HRH1: variants seen among roughly 807,000 people sequenced by gnomAD.
The protein encoded by HRH1 is histamine H1 receptor.
Under a neutral mutation model 10.3 loss-of-function variants are expected in HRH1, and 6 were observed. The ratio of observed to expected loss-of-function variants is 0.58; its 90% CI spans 0.32 to 1.15. The LOEUF (loss-of-function observed/expected upper bound fraction) is 1.15. Among genes scored for constraint, HRH1 ranks in the 50% most tolerant of loss-of-function variants. HRH1 has a pLI of 0.05. For missense variants in HRH1, 514 were observed against 615.3 expected, an observed-to-expected ratio of 0.84 and a Z score of 1.74; for synonymous variants, 242 against 236.7, an observed-to-expected ratio of 1.02 and a Z score of -0.21.
chr3:11,239,744 T>A (rs1939285889), intron 1 of HRH1, among the ~76,000 whole-genome samples: 1 of 152,170 alleles, frequency 6.6e-6, no homozygotes, highest in Admixed American at 6.5e-5. Flanking sequence ...GTCTGCTGCC[T>A]TCTTCTATCC....
chr3:11,161,665 G>A (rs1203786498), intron 1 of HRH1, among the ~76,000 whole-genome samples: 1 of 152,178 alleles, frequency 6.6e-6, no homozygotes, highest in Non-Finnish European at 1.5e-5. Context: ...ACCTTTGAAT[G>A]GAACGGCTTT....
At chr3:11,195,091 G>A (rs1370223736) in intron 1 of HRH1, among the ~76,000 whole-genome samples, 1 of 152,102 alleles carries the variant, frequency 6.6e-6, no homozygotes, top group Non-Finnish European at 1.5e-5. Flanking sequence ...ACTGAAATGG[G>A]TTTCCCCATC....
chr3:11,165,748 TA>T (rs1937017564), intron 1 of HRH1, among the ~76,000 whole-genome samples: 1 of 152,226 alleles, frequency 6.6e-6, no homozygotes, highest in African/African-American at 2.4e-5. Context: ...GAATGCATTT[TA>T]CTTCCTTTCA....
intron 1 of HRH1, among the ~76,000 whole-genome samples, chr3:11,180,104 A>C (rs927144339): frequency 1.3e-5 from 2 of 152,152 alleles, no homozygotes; most frequent in East Asian, 3.9e-4. Context: ...TGTAATTCAC[A>C]TACCATATTA....
intron 1 of HRH1, among the ~76,000 whole-genome samples, chr3:11,233,575 A>G (rs1939098317): frequency 6.6e-6 from 1 of 152,178 alleles, no homozygotes; most frequent in South Asian, 2.1e-4. Flanking sequence ...CATGGGCCCC[A>G]AACCAGGGCT....
At chr3:11,238,036 C>CTTTTTTTG (rs1553580374) in intron 1 of HRH1, among the ~76,000 whole-genome samples, 1 of 150,586 alleles carries the variant, frequency 6.6e-6, no homozygotes, top group Non-Finnish European at 1.5e-5. Context: ...TTAATGCTGC[C>CTTTTTTTG]TTTGTTTGTT....
intron 1 of HRH1, among the ~76,000 whole-genome samples, chr3:11,148,455 G>C (rs536264133): frequency 2.6e-5 from 4 of 152,258 alleles, no homozygotes; most frequent in Admixed American, 2.6e-4. Context: ...AAAAAGTATG[G>C]AAATAGACAA....
intron 1 of HRH1, among the ~76,000 whole-genome samples, chr3:11,206,490 C>CTGGCCCTCCACTTCAG (rs1938133051): frequency 6.6e-6 from 1 of 152,276 alleles, no homozygotes; most frequent in East Asian, 1.9e-4. Context: ...CTCCACTTCA[C>CTGGCCCTCCACTTCAG]TGGCCCTCCA....
upstream of HRH1, among the ~76,000 whole-genome samples, chr3:11,151,635 C>CT (rs1472241907): frequency 6.6e-6 from 1 of 152,092 alleles, no homozygotes; most frequent in African/African-American, 2.4e-5. Context: ...GTAGCTGGGA[C>CT]TACAGGCGCA....
chr3:11,155,830 A>C (rs1310261702), intron 1 of HRH1, among the ~76,000 whole-genome samples: 1 of 152,176 alleles, frequency 6.6e-6, no homozygotes, highest in Non-Finnish European at 1.5e-5. Flanking sequence ...ACTGGGAGAG[A>C]GGGAGGGTGT....
At chr3:11,181,508 G>A (rs1021446787) in intron 1 of HRH1, among the ~76,000 whole-genome samples, 1 of 149,034 alleles carries the variant, frequency 6.7e-6, no homozygotes, top group African/African-American at 2.6e-5. Flanking sequence ...TGTGTAGGAA[G>A]TACTATCTCA....
intron 1 of HRH1, among the ~76,000 whole-genome samples, chr3:11,229,934 A>G (rs1393941930): frequency 6.6e-6 from 1 of 152,214 alleles, no homozygotes; most frequent in Non-Finnish European, 1.5e-5. Context: ...AAGGAGAAAA[A>G]TGTGGATTTA....
At chr3:11,188,555 A>G (rs1937489614) in intron 1 of HRH1, among the ~76,000 whole-genome samples, 1 of 152,228 alleles carries the variant, frequency 6.6e-6, no homozygotes, top group African/African-American at 2.4e-5. Flanking sequence ...ACCCTGTCTC[A>G]GAAAAGAAAA....
chr3:11,239,723 T>G (rs1193111548), intron 1 of HRH1, among the ~76,000 whole-genome samples: 6 of 148,372 alleles, frequency 4.0e-5, no homozygotes, highest in Non-Finnish European at 9.0e-5. Flanking sequence ...GCATATGAAT[T>G]ATTGCATTTT....
chr3:11,238,941 C>T (rs1334162216), intron 1 of HRH1, among the ~76,000 whole-genome samples: 2 of 152,074 alleles, frequency 1.3e-5, no homozygotes, highest in African/African-American at 2.4e-5. Flanking sequence ...GGTTTTTTTC[C>T]ACTTTTTGGT....
At chr3:11,167,261 C>T (rs112747702) in intron 1 of HRH1, among the ~76,000 whole-genome samples, 4 of 123,242 alleles carry the variant, frequency 3.2e-5, no homozygotes, top group African/African-American at 1.2e-4. Context: ...TCTCCAGGCC[C>T]GTGACATCTG....
intron 1 of HRH1, among the ~76,000 whole-genome samples, chr3:11,206,962 T>C (rs1938153080): frequency 6.6e-6 from 1 of 151,838 alleles, no homozygotes; most frequent in East Asian, 1.9e-4. Flanking sequence ...GCTTTTGTCT[T>C]ATCGGGGTGG....
chr3:11,140,134 C>G lies in HRH1; in HGVS notation c.-36+2735C>G, dbSNP rs528277918. On this transcript the variant is annotated intron_variant, in intron 1 of 1. Coordinates refer to the HRH1 transcript ENST00000438284. ...TGGCCTAGTGCCCATGTACAGTGAA[C>G]GACCCGCGCAGCTGTTCTTAGCTGC... 4.5e-4 allele frequency among the ~76,000 whole-genome samples: 69 copies of G among 152,274 alleles called. 2 individuals carry two copies. Among genetic ancestry groups the G allele is most frequent in the Admixed American group, 4.3e-3 (66 of 15,302 alleles).
chr3:11,155,669 G>T (rs1180667168), intron 1 of HRH1, among the ~76,000 whole-genome samples: 1 of 152,158 alleles, frequency 6.6e-6, no homozygotes, highest in Non-Finnish European at 1.5e-5. Flanking sequence ...AAGGTTTTCA[G>T]GCTGGAAGGT....
Sources: gnomAD v4.1 joint callset for allele counts (sites outside exome capture counted in the v4.1 genomes callset) on GRCh38, gnomAD v4.1.1 for gene constraint, MANE v1.5 for transcripts, NCBI Gene and HGNC (gene_info 2026-07-23, HGNC 2026-07-21) for gene names.